Variants in CHRNA7 observed in about 807,000 individuals in gnomAD.
CHRNA7 encodes cholinergic receptor nicotinic alpha 7 subunit.
Under a neutral mutation model 48.0 loss-of-function variants are expected in CHRNA7, and 17 were observed. The observed-to-expected ratio is 0.35, with a 90% CI of 0.24 to 0.53. CHRNA7 has a LOEUF of 0.53. Among genes scored for constraint, CHRNA7 ranks in the 20% least tolerant of loss-of-function variants. CHRNA7 has a pLI of 0.92. For synonymous variants in CHRNA7, 75 were observed against 242.3 expected (o/e 0.31, Z 6.41); for missense variants, 155 against 577.7 (o/e 0.27, Z 7.50).
At chr15:32,038,478 A>C (rs2049391652) in intron 2 of CHRNA7, among the ~76,000 whole-genome samples, 1 of 152,138 alleles carries the variant, frequency 6.6e-6, no homozygotes. Flanking sequence ...TCTGGAATGA[A>C]TCTCACTTGA....
chr15:32,112,426 G>A lies in CHRNA7; in HGVS notation c.350+527G>A, dbSNP rs115108570. The A allele has an allele frequency of 2.2e-3, 969 of 445,112 alleles. 8 individuals carry two copies. The highest frequency in any genetic ancestry group is 0.018 in the African/African-American group (875 of 49,876). The allele number at this position is 445,112 out of a possible 1,614,324, so 27.6% of individuals were successfully genotyped here. A position where few individuals can be genotyped will look rare whatever the true frequency, so the allele number is the denominator to read the frequency against. On this transcript the variant is annotated intron_variant, in intron 4 of 9. Coordinates refer to ENST00000306901, the MANE Select transcript of CHRNA7 (RefSeq NM_000746.6). ...AACTTCCCCTGCAGGGTATATACCT[G>A]ATTTCTAATAGTCTTTCTCCTGAGG...
chr15:32,067,164 A>G (rs1367925711), intron 2 of CHRNA7, among the ~76,000 whole-genome samples: 2 of 152,236 alleles, frequency 1.3e-5, no homozygotes, highest in Non-Finnish European at 2.9e-5. Context: ...ACATTGATGT[A>G]CACATCCGTA....
At chr15:32,135,662 A>G (rs2051243617) in intron 4 of CHRNA7, among the ~76,000 whole-genome samples, 2 of 152,190 alleles carry the variant, frequency 1.3e-5, no homozygotes, top group Non-Finnish European at 2.9e-5. Context: ...CCATGTCCCA[A>G]AAGAACAGCT....
Position 32,170,286 on chromosome 15 carries a change from A to G in CHRNA7, c.*1828A>G, listed in dbSNP as rs1213442207. 1.7e-5 allele frequency: 2 copies of G among 120,658 alleles called. No individual in the cohort carries two copies. Among genetic ancestry groups the G allele is most frequent in the Admixed American group, 8.6e-5 (1 of 11,588 alleles). 7.5% of individuals were successfully genotyped at this position (120,658 alleles called of 1,614,324 possible). A position where few individuals can be genotyped will look rare whatever the true frequency, so the allele number is the denominator to read the frequency against. ...GTGTGTGTGTGTGTAAGTGTGAGGT[A>G]CCTTGTGTGTGACAAGAGACCTCAC... is the stretch of plus-strand genomic sequence containing the variant. On this transcript the variant is annotated 3_prime_UTR_variant, in exon 10 of 10. Coordinates refer to ENST00000306901, the MANE Select transcript of CHRNA7 (RefSeq NM_000746.6).
chr15:32,085,444 A>G (rs919213985), intron 2 of CHRNA7, among the ~76,000 whole-genome samples: 3 of 152,238 alleles, frequency 2.0e-5, no homozygotes, highest in African/African-American at 7.2e-5. Flanking sequence ...TCTAAGATGC[A>G]CATTAGTTTC....
At chr15:32,077,026 G>A (rs1235384868) in intron 2 of CHRNA7, among the ~76,000 whole-genome samples, 2 of 152,056 alleles carry the variant, frequency 1.3e-5, no homozygotes, top group South Asian at 2.1e-4. Flanking sequence ...GGAATGTATG[G>A]TCCCACAGTT....
intron 2 of CHRNA7, among the ~76,000 whole-genome samples, chr15:32,085,766 C>T (rs182945265): frequency 5.5e-4 from 83 of 152,256 alleles, no homozygotes; most frequent in African/African-American, 1.9e-3. Flanking sequence ...ATCTGAAAAA[C>T]GTTTTTCTTT....
Position 32,054,562 on chromosome 15 carries a change from C to T in CHRNA7, c.195+23525C>T, listed in dbSNP as rs2049752027. Among the ~76,000 whole-genome samples the T allele has an allele frequency of 3.3e-5, 5 of 152,188 alleles. No homozygotes were observed. The South Asian group carries it at 1.0e-3, about 32-fold the overall frequency. On this transcript the variant is annotated intron_variant, in intron 2 of 9. Transcript: ENST00000306901. ...CCCGTTAAGCTGTCACCACCCAATA[C>T]AGACCTTCGCTCCTCCAGAGCTAAA...
intron 2 of CHRNA7, among the ~76,000 whole-genome samples, chr15:32,075,392 T>C (rs1449695677): frequency 2.0e-5 from 3 of 152,216 alleles, no homozygotes; most frequent in Non-Finnish European, 4.4e-5. Context: ...TATAGGACTT[T>C]TAAAATTATT....
intron 2 of CHRNA7, among the ~76,000 whole-genome samples, chr15:32,040,133 A>G (rs536112464): frequency 6.6e-6 from 1 of 152,140 alleles, no homozygotes; most frequent in East Asian, 1.9e-4. Flanking sequence ...GTTAATTTAT[A>G]TGTGTCTTTA....
chr15:32,078,623 C>T lies in CHRNA7; in HGVS notation c.196-22680C>T, dbSNP rs182232052. Among the ~76,000 whole-genome samples, 554 of 124,106 alleles carry T rather than the reference C, an allele frequency of 4.5e-3. 4 individuals are homozygous for T. Among genetic ancestry groups the T allele is most frequent in the African/African-American group, 0.015 (488 of 32,178 alleles). 81.4% of individuals were successfully genotyped at this position (124,106 alleles called of 152,430 possible). On this transcript the variant is annotated intron_variant, in intron 2 of 9. Coordinates refer to ENST00000306901, the MANE Select transcript of CHRNA7 (RefSeq NM_000746.6). ...GTCAAATCCCTGAATAGACCAATGA[C>T]AAGTTCTGAAATTGAGGCAGTAATA...
intron 4 of CHRNA7, among the ~76,000 whole-genome samples, chr15:32,139,188 A>G (rs1343410276): frequency 6.6e-6 from 1 of 152,126 alleles, no homozygotes; most frequent in Non-Finnish European, 1.5e-5. Context: ...TGTTTTTTTC[A>G]TGGCTTGATA....
At chr15:32,050,710 A>G (rs1298519592) in intron 2 of CHRNA7, among the ~76,000 whole-genome samples, 1 of 152,076 alleles carries the variant, frequency 6.6e-6, no homozygotes, top group Non-Finnish European at 1.5e-5. Context: ...CCTTTGTAGG[A>G]GGAGAGTCAC....
At chr15:32,107,020 T>C (rs368740458) in intron 3 of CHRNA7, among the ~76,000 whole-genome samples, 17 of 152,300 alleles carry the variant, frequency 1.1e-4, no homozygotes, top group Admixed American at 7.2e-4. Context: ...TCAATCATTA[T>C]GTCTCACCAA....
chr15:32,033,988 CTT>C (rs990231935), intron 2 of CHRNA7, among the ~76,000 whole-genome samples: 3 of 152,176 alleles, frequency 2.0e-5, no homozygotes, highest in Non-Finnish European at 4.4e-5. Context: ...CTGTTGTAGA[CTT>C]TGACAAATTC....
intron 2 of CHRNA7, among the ~76,000 whole-genome samples, chr15:32,050,311 A>G (rs1254172812): frequency 1.3e-5 from 2 of 152,168 alleles, no homozygotes; most frequent in African/African-American, 4.8e-5. Context: ...GTCTTTTCAC[A>G]TAGTCCCATA....
intron 4 of CHRNA7, among the ~76,000 whole-genome samples, chr15:32,114,044 G>GTATATATATATATATATATA (rs1321921481): frequency 3.1e-5 from 2 of 63,606 alleles, no homozygotes; most frequent in African/African-American, 5.7e-5. Flanking sequence ...ATATATATAT[G>GTATATATATATATATATATA]TATATATATA....
chr15:32,084,990 G>A (rs1457635777), intron 2 of CHRNA7, among the ~76,000 whole-genome samples: 1 of 151,986 alleles, frequency 6.6e-6, no homozygotes, highest in South Asian at 2.1e-4. Flanking sequence ...CCACCACCAC[G>A]CTCAGTGAAT....
chr15:32,098,912 T>TACACAC (rs1272048098), intron 2 of CHRNA7: 900 of 56,754 alleles, frequency 0.016, 9 homozygotes, highest in Middle Eastern at 0.024. Flanking sequence ...ACACACACTT[T>TACACAC]TTATTCTAGG....
Sources: gnomAD v4.1 joint callset for allele counts (sites outside exome capture counted in the v4.1 genomes callset) on GRCh38, gnomAD v4.1.1 for gene constraint, MANE v1.5 for transcripts, NCBI Gene and HGNC (gene_info 2026-07-23, HGNC 2026-07-21) for gene names.